WDR19: variants seen among roughly 807,000 people sequenced by gnomAD.
WDR19 encodes WD repeat domain 19, also known as WD repeat-containing protein 19.
A neutral mutation model predicts 180.0 loss-of-function variants in WDR19; 121 were observed. That is an observed-to-expected ratio of 0.67 (90% CI 0.58 to 0.78). The LOEUF (loss-of-function observed/expected upper bound fraction) is 0.78, where lower values mean the gene tolerates loss of function less well. WDR19 is among the 30% of genes least tolerant of loss of function. The pLI is 0.00. For missense variants in WDR19, 1,450 were observed against 1,640.7 expected, an observed-to-expected ratio of 0.88 and a Z score of 2.01; for synonymous variants, 497 against 540.7, an observed-to-expected ratio of 0.92 and a Z score of 1.12.
At chr4:39,250,845 G>A (rs1044272718) in intron 24 of WDR19, among the ~76,000 whole-genome samples, 20 of 152,262 alleles carry the variant, frequency 1.3e-4, no homozygotes, top group African/African-American at 4.3e-4. Context: ...CCACTGCTCA[G>A]TGAAATAAAA....
intron 31 of WDR19, among the ~76,000 whole-genome samples, chr4:39,272,575 C>T (rs530571299): frequency 6.6e-6 from 1 of 152,326 alleles, no homozygotes; most frequent in Non-Finnish European, 1.5e-5. Context: ...GCCTTCTGCC[C>T]GTCATTGCCC....
At chr4:39,273,959 C>T (rs764013333) in intron 32 of WDR19, 7 of 152,192 alleles carry the variant, frequency 4.6e-5, no homozygotes, top group Non-Finnish European at 1.0e-4. Flanking sequence ...TTTTAGACTT[C>T]GTGAGACATG....
chr4:39,246,908 G>A (rs1348124354), intron 24 of WDR19, among the ~76,000 whole-genome samples: 2 of 152,180 alleles, frequency 1.3e-5, no homozygotes, highest in Non-Finnish European at 2.9e-5. Context: ...GCCTGCCTCT[G>A]TAGGCTCCAC....
chr4:39,219,371 A>T (rs904310126), intron 14 of WDR19, among the ~76,000 whole-genome samples: 7 of 152,172 alleles, frequency 4.6e-5, no homozygotes, highest in African/African-American at 1.4e-4. Context: ...TCCTGATCTT[A>T]TGGGACTACC....
chr4:39,199,039 T>C lies in WDR19; in HGVS notation c.407-439T>C, dbSNP rs1227098865. Among the ~76,000 whole-genome samples the C allele has an allele frequency of 2.0e-5, 3 of 150,252 alleles. No homozygotes were observed. The East Asian group carries it at 5.8e-4, about 29-fold the overall frequency. The stretch of plus-strand genomic sequence containing the variant: ...AGAATTAGCTGGGTGTGGTGGCATG[T>C]GCCTATAGTCCCAGCTACTTGGGAC... On this transcript the variant is annotated intron_variant, in intron 5 of 36. Transcript: ENST00000399820.
rs910551900 is a variant in WDR19 at position 39,183,978 on chromosome 4, A to G, written c.6+1415A>G. Among the ~76,000 whole-genome samples, 9 of 152,260 alleles carry G rather than the reference A, an allele frequency of 5.9e-5. No homozygotes were observed. In the East Asian group the frequency reaches 1.5e-3, roughly 26 times the overall value. On this transcript the variant is annotated intron_variant, in intron 1 of 36. Transcript: ENST00000399820. ...GAAGGAGTTCCAGGGTGAAATGGTC[A>G]CAAAATTGCAAAAGTAAGATGCTTT... is the stretch of plus-strand genomic sequence containing the variant.
At chr4:39,209,240 A>G (rs149163021) in intron 9 of WDR19, among the ~76,000 whole-genome samples, 3 of 152,330 alleles carry the variant, frequency 2.0e-5, no homozygotes, top group African/African-American at 7.2e-5. Flanking sequence ...ACATATTTCT[A>G]AATAATTCAT....
chr4:39,280,779 T>G (rs1457745814), intron 36 of WDR19, among the ~76,000 whole-genome samples: 1 of 152,114 alleles, frequency 6.6e-6, no homozygotes. Flanking sequence ...CATAGCGAGA[T>G]CCCATCTCTA....
At chr4:39,228,795 C>T in intron 17 of WDR19, 105 bp downstream of exon 17, 1 of 1,291,804 alleles carries the variant, frequency 7.7e-7, no homozygotes, top group Non-Finnish European at 1.0e-6. Context: ...ATTCTTTATC[C>T]TTGCAAGAAT....
intron 14 of WDR19, among the ~76,000 whole-genome samples, chr4:39,222,017 G>A (rs1324086203): frequency 3.3e-5 from 5 of 152,080 alleles, no homozygotes; most frequent in Non-Finnish European, 5.9e-5. Flanking sequence ...TCTCTAAATC[G>A]GTTGTACCAT....
intron 34 of WDR19, 54 bp from the exon 35 acceptor site, chr4:39,278,077 A>T (rs1736082642): frequency 1.4e-6 from 2 of 1,445,038 alleles, no homozygotes; most frequent in African/African-American, 2.9e-5. Context: ...ATTGACTAAC[A>T]GTGGGAGTTT....
At chr4:39,186,089 C>T (rs1725510237) in intron 2 of WDR19, among the ~76,000 whole-genome samples, 1 of 151,986 alleles carries the variant, frequency 6.6e-6, no homozygotes, top group Admixed American at 6.6e-5. Flanking sequence ...TTCATAGAAC[C>T]TTTTCCCTGG....
intron 3 of WDR19, among the ~76,000 whole-genome samples, chr4:39,187,324 G>A (rs1725666861): frequency 6.6e-6 from 1 of 151,438 alleles, no homozygotes; most frequent in African/African-American, 2.4e-5. Context: ...GGAGGCTGAG[G>A]CAGGAGAATC....
rs60128786 is a variant in WDR19 at position 39,211,929 on chromosome 4, CAGAGAGAGAGAGAGAGAGAGAGAGAG to C, written c.891-2640_891-2615del. Reference sequence around the variant, plus strand: ...GCATGCTTGTTCTAATATAGACAGACAGAGAGAGAGAGAGAGAGAGAGAGAGAGAGAGAGAGAGAGAGAGAGAGAGA... The same window carrying C: ...GCATGCTTGTTCTAATATAGACAGACAGAGAGAGAGAGAGAGAGAGAGAGA... On this transcript the variant is annotated intron_variant, in intron 9 of 36. Transcript: ENST00000399820. Among the ~76,000 whole-genome samples the C allele has an allele frequency of 3.9e-3, 527 of 135,356 alleles. 5 individuals are homozygous for C. The highest frequency in any genetic ancestry group is 0.012 in the African/African-American group (429 of 36,372). 88.8% of individuals were successfully genotyped at this position (135,356 alleles called of 152,430 possible).
rs2109367364 is a variant in WDR19, at chr4:39,231,962, C to T, written c.2142+6C>T. On this transcript the variant is annotated splice_donor_region_variant and intron_variant, in intron 18 of 36. Transcript: ENST00000399820. The stretch of plus-strand genomic sequence containing the variant: ...TGTCCTTGGAACAAATAAAGGTAAA[C>T]AGCATGTTATAGAATTATCAAGTTA... The T allele has an allele frequency of 4.3e-6, 7 of 1,609,302 alleles. No individual in the cohort carries two copies. Among genetic ancestry groups the T allele is most frequent in the Non-Finnish European group, 6.0e-6 (7 of 1,176,194 alleles).
intron 31 of WDR19, 68 bp downstream of exon 31, chr4:39,270,168 G>C: frequency 6.3e-7 from 1 of 1,587,604 alleles, no homozygotes; most frequent in Non-Finnish European, 8.6e-7. Flanking sequence ...ATTTTCTCCA[G>C]GCCCTTCTCC....
At chr4:39,257,042 C>T (rs952620497) in intron 27 of WDR19, among the ~76,000 whole-genome samples, 4 of 152,090 alleles carry the variant, frequency 2.6e-5, no homozygotes, top group Admixed American at 2.6e-4. Context: ...TTAAAATAAT[C>T]GGTCTCATAT....
intron 28 of WDR19, among the ~76,000 whole-genome samples, chr4:39,262,114 T>C (rs1734347570): frequency 1.3e-5 from 2 of 152,128 alleles, no homozygotes. Context: ...GAAACTGAGG[T>C]GCCAGAAGAT....
chr4:39,247,094 G>T (rs1314996253), intron 24 of WDR19, among the ~76,000 whole-genome samples: 1 of 152,234 alleles, frequency 6.6e-6, no homozygotes, highest in Non-Finnish European at 1.5e-5. Flanking sequence ...CTAACTGGGA[G>T]GCACCCCCCA....
Sources: gnomAD v4.1 joint callset for allele counts (sites outside exome capture counted in the v4.1 genomes callset) on GRCh38, gnomAD v4.1.1 for gene constraint, MANE v1.5 for transcripts, NCBI Gene and HGNC (gene_info 2026-07-23, HGNC 2026-07-21) for gene names.